The following COL4A5 variants were observed in gnomAD, a reference collection of about 807,000 sequenced individuals.
COL4A5 encodes collagen alpha-5(IV) chain.
COL4A5 carries 26 observed loss-of-function variants against 130.2 expected under a neutral mutation model. That is an observed-to-expected ratio of 0.20 (90% CI 0.15 to 0.28). The LOEUF is 0.28. COL4A5 is among the 10% of genes least tolerant of loss of function. The pLI is 1.00. For missense variants in COL4A5, 1,131 were observed against 1,344.3 expected (o/e 0.84, Z 2.48); for synonymous variants, 496 against 439.6 (o/e 1.13, Z -1.60).
At chrX:108,484,638 A>G (rs1289799038) in intron 1 of COL4A5, among the ~76,000 whole-genome samples, 1 of 112,193 alleles carries the variant, frequency 8.9e-6, no homozygotes, top group African/African-American at 3.2e-5. Flanking sequence ...CTCTTCCCTT[A>G]TTTGCTCACA....
chrX:108,450,034 CA>C (rs2064492709), intron 1 of COL4A5, among the ~76,000 whole-genome samples: 1 of 111,636 alleles, frequency 9.0e-6, no homozygotes, highest in African/African-American at 3.3e-5. Context: ...GTCATACTCT[CA>C]GGGGGGAGAA....
At chrX:108,657,493 G>T in intron 37 of COL4A5, among the ~76,000 whole-genome samples, 1 of 111,087 alleles carries the variant, frequency 9.0e-6, no homozygotes, top group African/African-American at 3.3e-5. Context: ...TTTTTTGCAG[G>T]GGAAATCAGT....
chrX:108,546,267 T>G, intron 2 of COL4A5, among the ~76,000 whole-genome samples: 2 of 112,118 alleles, frequency 1.8e-5, no homozygotes, highest in Admixed American at 9.5e-5. Context: ...TTTCCATGTT[T>G]AGTGCTTCCT....
chrX:108,503,480 G>A (rs1467601308), intron 1 of COL4A5, among the ~76,000 whole-genome samples: 2 of 111,664 alleles, frequency 1.8e-5, no homozygotes, highest in African/African-American at 6.5e-5. Context: ...ATCTCTCTTA[G>A]TCAATGATAT....
intron 2 of COL4A5, among the ~76,000 whole-genome samples, chrX:108,540,032 C>T (rs1490158410): frequency 9.0e-6 from 1 of 111,663 alleles, no homozygotes; most frequent in Non-Finnish European, 1.9e-5. Flanking sequence ...TTATGGGACA[C>T]ATCAGTTTCT....
chrX:108,696,228 A>C (rs1453369107), intron 52 of COL4A5, 69 bp from the exon 53 acceptor site: 3 of 907,937 alleles, frequency 3.3e-6, no homozygotes, highest in Non-Finnish European at 4.8e-6. Flanking sequence ...TTAGTTATAA[A>C]TTTGAACCAG....
chrX:108,644,213 C>T (rs1231488223), intron 36 of COL4A5, among the ~76,000 whole-genome samples: 1 of 111,979 alleles, frequency 8.9e-6, no homozygotes, highest in African/African-American at 3.2e-5. Context: ...ATGCACCTAA[C>T]ACTGGAGTTC....
At chrX:108,595,060 G>A (rs1284177644) in intron 21 of COL4A5, among the ~76,000 whole-genome samples, 3 of 110,054 alleles carry the variant, frequency 2.7e-5, no homozygotes, top group Admixed American at 9.6e-5. Flanking sequence ...ATGGGGTTTC[G>A]CCATGTTGGC....
At position 108,696,985 on chromosome X, in the gene COL4A5, C is replaced by T. The variant is rs1014917262; in HGVS notation, c.*607C>T. ...ATTCATGTTTATCAAAGTGAGAGGA[C>T]TTATATTCCTACATCAAGTTACTAC... On this transcript the variant is annotated 3_prime_UTR_variant, in exon 53 of 53. Coordinates refer to ENST00000328300, the MANE Select transcript of COL4A5 (RefSeq NM_033380.3). The T allele has an allele frequency of 9.0e-6, 1 of 111,508 alleles. No individual in the cohort carries two copies. Among genetic ancestry groups the T allele is most frequent in the Non-Finnish European group, 1.9e-5 (1 of 53,019 alleles). The allele number at this position is 111,508 out of a possible 1,213,427, so 9.2% of individuals were successfully genotyped here.
chrX:108,637,529 A>G (rs1340065527), intron 36 of COL4A5, among the ~76,000 whole-genome samples: 3 of 112,088 alleles, frequency 2.7e-5, no homozygotes, highest in Admixed American at 9.5e-5. Context: ...AAAAGATAAC[A>G]AAATAGAAAA....
intron 1 of COL4A5, among the ~76,000 whole-genome samples, chrX:108,507,261 AG>A (rs1288266735): frequency 2.7e-4 from 28 of 105,494 alleles, no homozygotes; most frequent in African/African-American, 7.8e-4. Context: ...AAAAAAAAAA[AG>A]AAAAAAAAAA....
chrX:108,694,213 C>T (rs865971100), intron 50 of COL4A5: 8 of 113,987 alleles, frequency 7.0e-5, no homozygotes, highest in Admixed American at 2.7e-4. Context: ...ATGGAAGTCT[C>T]AGCTATATTC....
chrX:108,576,910 A>T (rs1291165518), intron 10 of COL4A5, among the ~76,000 whole-genome samples: 1 of 111,960 alleles, frequency 8.9e-6, no homozygotes, highest in Non-Finnish European at 1.9e-5. Flanking sequence ...GAAACTATGG[A>T]CTTTCGCACT....
At chrX:108,564,485 A>C (rs1356978106) in intron 4 of COL4A5, among the ~76,000 whole-genome samples, 1 of 112,504 alleles carries the variant, frequency 8.9e-6, no homozygotes, top group East Asian at 2.8e-4. Flanking sequence ...ATAAGGATGC[A>C]TCTCAAAATT....
At chrX:108,596,132 T>A (rs778611767) in intron 22 of COL4A5, among the ~76,000 whole-genome samples, 2 of 112,075 alleles carry the variant, frequency 1.8e-5, no homozygotes, top group Non-Finnish European at 3.8e-5. Context: ...TAACTGCCCC[T>A]TAGGTATCCC....
intron 25 of COL4A5, among the ~76,000 whole-genome samples, chrX:108,600,806 GTCTGAAT>G (rs1333304082): frequency 9.0e-6 from 1 of 111,538 alleles, no homozygotes; most frequent in Admixed American, 9.6e-5. Context: ...CTCAGTCCTA[GTCTGAAT>G]GCCTGAGAAC....
At chrX:108,464,117 C>T (rs1270086071) in intron 1 of COL4A5, among the ~76,000 whole-genome samples, 1 of 111,413 alleles carries the variant, frequency 9.0e-6, no homozygotes, top group Admixed American at 9.6e-5. Flanking sequence ...AAATAATTTT[C>T]CACAGGATCT....
intron 36 of COL4A5, among the ~76,000 whole-genome samples, chrX:108,641,284 C>T (rs2067460689): frequency 8.9e-6 from 1 of 111,902 alleles, no homozygotes; most frequent in Admixed American, 9.5e-5. Context: ...TGAATACTCA[C>T]AGCAGCCAAA....
chrX:108,539,734 T>C lies in COL4A5; in HGVS notation c.82-12T>C, dbSNP rs2065508417. On this transcript the variant is annotated splice_polypyrimidine_tract_variant and intron_variant, in intron 1 of 52. Coordinates refer to ENST00000328300, the MANE Select transcript of COL4A5 (RefSeq NM_033380.3). ...TATTTAATGATTTTTTCCCTCTTTC[T>C]CTTCCTTATAGGCTTGCTATGGGTG... The C allele has an allele frequency of 8.3e-7, 1 of 1,203,414 alleles. No homozygotes were observed. The highest frequency in any genetic ancestry group is 1.1e-6 in the Non-Finnish European group (1 of 888,117).
Sources: gnomAD v4.1 joint callset for allele counts (sites outside exome capture counted in the v4.1 genomes callset) on GRCh38, gnomAD v4.1.1 for gene constraint, MANE v1.5 for transcripts, NCBI Gene and HGNC (gene_info 2026-07-23, HGNC 2026-07-21) for gene names.